DIAPH1: variants seen among roughly 807,000 people sequenced by gnomAD.
DIAPH1 encodes diaphanous related formin 1, also known as protein diaphanous homolog 1.
Under a neutral mutation model 140.7 loss-of-function variants are expected in DIAPH1, and 46 were observed. The ratio of observed to expected loss-of-function variants is 0.33; its 90% CI spans 0.26 to 0.42. The LOEUF (loss-of-function observed/expected upper bound fraction) is 0.42, where lower values mean the gene tolerates loss of function less well. Ranked by LOEUF, DIAPH1 falls within the 10% of genes least tolerant of loss-of-function variation. The pLI, the probability that DIAPH1 is intolerant of heterozygous loss-of-function variation, is 1.00. For synonymous variants in DIAPH1, 565 were observed against 551.6 expected (o/e 1.02, Z -0.34); for missense variants, 1,310 against 1,558.7 (o/e 0.84, Z 2.69).
chr5:141,566,288 T>C (rs1184044374), intron 18 of DIAPH1, among the ~76,000 whole-genome samples: 2 of 152,130 alleles, frequency 1.3e-5, no homozygotes, highest in Non-Finnish European at 2.9e-5. Context: ...GCCAGAATAT[T>C]GGTAGGATCA....
chr5:141,569,693 C>T (rs536010335), intron 18 of DIAPH1, among the ~76,000 whole-genome samples: 62 of 152,064 alleles, frequency 4.1e-4, no homozygotes, highest in African/African-American at 1.4e-3. Context: ...ACCCGGGAGG[C>T]GAAGGCTGCA....
chr5:141,582,747 T>C (rs2099896958), intron 6 of DIAPH1, among the ~76,000 whole-genome samples: 1 of 152,184 alleles, frequency 6.6e-6, no homozygotes. Context: ...TATTATTTTG[T>C]TTCAGAAAGA....
rs371831237 is a variant in DIAPH1, at chr5:141,556,798, T to C, written c.2482+14630A>G. 1.6e-4 allele frequency among the ~76,000 whole-genome samples: 24 copies of C among 152,276 alleles called. 1 individual carries two copies. In the South Asian group the frequency reaches 4.6e-3, roughly 29 times the overall value. ...CCTCCGCCTCCCGGGTTCAAGCAAT[T>C]CTCCTGCCTCAGCCTCCCGAGTAGC... is the stretch of plus-strand genomic sequence containing the variant. On this transcript the variant is annotated intron_variant, in intron 18 of 27. Coordinates refer to ENST00000389054, the MANE Select transcript of DIAPH1 (RefSeq NM_005219.5).
Position 141,583,592 on chromosome 5 carries a change from A to G in DIAPH1, c.426T>C (p.Ser142=). Residue 142 remains serine, a synonymous_variant, in exon 5 of 28, where the codon TCT becomes TCC. Transcript: ENST00000389054. ...SKAGMSQKES[S]KSAMMYIQEL... ...CCTGAATATACATCATGGCAGACTT[A>G]GAGCTCTCCTTCTGGCTCATGCCCT... The G allele has an allele frequency of 6.2e-7, 1 of 1,614,274 alleles. No homozygotes were observed. The highest frequency in any genetic ancestry group is 1.1e-5 in the South Asian group (1 of 91,090).
intron 24 of DIAPH1, among the ~76,000 whole-genome samples, chr5:141,527,148 T>C (rs1451486202): frequency 2.6e-5 from 4 of 152,002 alleles, no homozygotes; most frequent in South Asian, 2.1e-4. Flanking sequence ...GGTGGGACTT[T>C]TATGGTTGAT....
intron 1 of DIAPH1, among the ~76,000 whole-genome samples, chr5:141,611,841 TG>T (rs2154597357): frequency 6.6e-6 from 1 of 152,212 alleles, no homozygotes; most frequent in East Asian, 1.9e-4. Flanking sequence ...CCCAGGCAGG[TG>T]GATCACCTGA....
chr5:141,593,935 G>A (rs2099898888), intron 1 of DIAPH1, among the ~76,000 whole-genome samples: 1 of 152,138 alleles, frequency 6.6e-6, no homozygotes, highest in Admixed American at 6.5e-5. Context: ...GAGTAGCTGG[G>A]ATTACAGGCG....
intron 18 of DIAPH1, among the ~76,000 whole-genome samples, chr5:141,543,591 AT>A (rs2099890326): frequency 6.6e-6 from 1 of 152,244 alleles, no homozygotes; most frequent in South Asian, 2.1e-4. Context: ...TATCAACATT[AT>A]AAAACTGGCT....
intron 18 of DIAPH1, among the ~76,000 whole-genome samples, chr5:141,542,319 G>C (rs921293721): frequency 2.0e-5 from 3 of 152,022 alleles, no homozygotes; most frequent in Admixed American, 2.0e-4. Context: ...TGTAATCCCA[G>C]CTACTCGGGA....
Position 141,618,991 on chromosome 5 carries a change from T to G in DIAPH1, c.-77A>C, listed in dbSNP as rs929418541. 1.3e-6 allele frequency: 1 copy of G among 797,014 alleles called. No individual in the cohort carries two copies. The highest frequency in any genetic ancestry group is 1.8e-6 in the Non-Finnish European group (1 of 559,360). The allele number at this position is 797,014 out of a possible 1,614,324, so 49.4% of individuals were successfully genotyped here. ...CAGCTCCGCGCCCGCCGCCGCCCAG[T>G]CGCTCTTTAGCCAGCCGCCGCGCCC... On this transcript the variant is annotated 5_prime_UTR_variant, in exon 1 of 28. Transcript: ENST00000389054.
intron 1 of DIAPH1, among the ~76,000 whole-genome samples, chr5:141,605,561 C>G (rs1361827584): frequency 2.0e-5 from 3 of 152,288 alleles, no homozygotes; most frequent in East Asian, 3.9e-4. Flanking sequence ...CCTGACAAGG[C>G]ACAGTTACAA....
chr5:141,544,902 C>A (rs2154595472), intron 18 of DIAPH1, among the ~76,000 whole-genome samples: 2 of 152,256 alleles, frequency 1.3e-5, no homozygotes, highest in African/African-American at 4.8e-5. Flanking sequence ...AGGTGTTTAT[C>A]CCTCCAAAAT....
chr5:141,569,214 A>G (rs1006286640), intron 18 of DIAPH1, among the ~76,000 whole-genome samples: 10 of 152,172 alleles, frequency 6.6e-5, no homozygotes, highest in South Asian at 4.1e-4. Flanking sequence ...GGCTAGAGCA[A>G]GGACTTTGGA....
chr5:141,551,986 T>C (rs947796383), intron 18 of DIAPH1, among the ~76,000 whole-genome samples: 2 of 152,062 alleles, frequency 1.3e-5, no homozygotes, highest in Admixed American at 6.5e-5. Flanking sequence ...TAACAAGAAA[T>C]ACAAAAAATC....
chr5:141,553,502 G>T (rs764558371), intron 18 of DIAPH1, among the ~76,000 whole-genome samples: 2 of 151,760 alleles, frequency 1.3e-5, no homozygotes, highest in East Asian at 1.9e-4. Flanking sequence ...TTAGCCAGGC[G>T]TGGTGGTGGG....
Position 141,537,376 on chromosome 5 carries a change from G to C in DIAPH1, c.2483-2943C>G, listed in dbSNP as rs952701688. Among the ~76,000 whole-genome samples, 38 of 151,116 alleles carry C rather than the reference G, an allele frequency of 2.5e-4. 1 individual carries two copies. Among genetic ancestry groups the C allele is most frequent in the Non-Finnish European group, 1.5e-5 (1 of 67,866 alleles). Reference sequence around the variant, plus strand: ...CACATGCCTGTAATCCCAGCTACTAGGGAGGCTGAGGCAGGAAAATCGCTT... The same window carrying C: ...CACATGCCTGTAATCCCAGCTACTACGGAGGCTGAGGCAGGAAAATCGCTT... On this transcript the variant is annotated intron_variant, in intron 18 of 27. Coordinates refer to ENST00000389054, the MANE Select transcript of DIAPH1 (RefSeq NM_005219.5).
intron 18 of DIAPH1, among the ~76,000 whole-genome samples, chr5:141,568,221 T>C (rs957500598): frequency 6.6e-6 from 1 of 151,876 alleles, no homozygotes; most frequent in Admixed American, 6.6e-5. Context: ...TAGTTTATCT[T>C]GTACATACAA....
Position 141,576,924 on chromosome 5 carries a change from AG to A in DIAPH1, c.1281-54del. 5 of 1,148,600 alleles carry A rather than the reference AG, an allele frequency of 4.4e-6. No homozygotes were observed. In the South Asian group the frequency reaches 6.2e-5, roughly 14 times the overall value. The allele number at this position is 1,148,600 out of a possible 1,614,324, so 71.2% of individuals were successfully genotyped here. A position where few individuals can be genotyped will look rare whatever the true frequency, so the allele number is the denominator to read the frequency against. On this transcript the variant is annotated intron_variant, in intron 12 of 27. Transcript: ENST00000389054. The stretch of plus-strand genomic sequence containing the variant: ...AAAGGAAAATCAAAATATAATTTTC[AG>A]AAGTATTCAGGACCAAGAAAACGTA...
At chr5:141,546,087 A>C (rs894838180) in intron 18 of DIAPH1, among the ~76,000 whole-genome samples, 3 of 152,234 alleles carry the variant, frequency 2.0e-5, no homozygotes, top group Non-Finnish European at 4.4e-5. Context: ...AAAGTAAAAC[A>C]TATGAGACTC....
Sources: gnomAD v4.1 joint callset for allele counts (sites outside exome capture counted in the v4.1 genomes callset) on GRCh38, gnomAD v4.1.1 for gene constraint, MANE v1.5 for transcripts, NCBI Gene and HGNC (gene_info 2026-07-23, HGNC 2026-07-21) for gene names.